Variants in TRPM3 observed in about 807,000 individuals in gnomAD.
TRPM3 encodes the protein transient receptor potential cation channel subfamily M member 3, also known as long transient receptor potential channel 3.
TRPM3 carries 77 observed loss-of-function variants against 181.2 expected under a neutral mutation model. The observed-to-expected ratio is 0.42, with a 90% CI of 0.35 to 0.51. The LOEUF (loss-of-function observed/expected upper bound fraction) is 0.51, where lower values mean the gene tolerates loss of function less well. TRPM3 is among the 20% of genes least tolerant of loss of function. The probability of loss-of-function intolerance (pLI) is 0.01; values close to 1 mark genes in which losing one functional copy is unlikely to be tolerated. For missense variants in TRPM3, 1,759 were observed against 2,196.7 expected (o/e 0.80, Z 3.98); for synonymous variants, 745 against 796.4 (o/e 0.94, Z 1.09).
At chr9:71,196,866 TTTTTA>T (rs71352355) in intron 1 of TRPM3, among the ~76,000 whole-genome samples, 6 of 151,074 alleles carry the variant, frequency 4.0e-5, no homozygotes, top group African/African-American at 1.2e-4. Context: ...TGGGCCTTTC[TTTTTA>T]TTTTATTATT....
At chr9:70,894,983 A>G (rs2132912895) in intron 1 of TRPM3, among the ~76,000 whole-genome samples, 1 of 152,272 alleles carries the variant, frequency 6.6e-6, no homozygotes, top group East Asian at 1.9e-4. Flanking sequence ...TGCTAGTGCC[A>G]TGGCTTGGGA....
intron 1 of TRPM3, among the ~76,000 whole-genome samples, chr9:71,202,128 T>C (rs2078838067): frequency 6.6e-6 from 1 of 152,188 alleles, no homozygotes; most frequent in Non-Finnish European, 1.5e-5. Context: ...TCAGCAGTGG[T>C]GGCTGCAGAA....
chr9:71,015,254 C>G (rs1353367301), intron 1 of TRPM3, among the ~76,000 whole-genome samples: 1 of 152,154 alleles, frequency 6.6e-6, no homozygotes, highest in African/African-American at 2.4e-5. Context: ...GCTCTCAGTT[C>G]GGTCGCTTTG....
At chr9:71,075,906 A>G (rs908902421) in intron 1 of TRPM3, among the ~76,000 whole-genome samples, 4 of 152,218 alleles carry the variant, frequency 2.6e-5, no homozygotes, top group African/African-American at 9.6e-5. Flanking sequence ...GTTCCTCTAC[A>G]TGAAACACAA....
At chr9:70,620,449 G>C (rs987173471) in intron 15 of TRPM3, 84 bp from the exon 16 acceptor site, 1 of 1,442,448 alleles carries the variant, frequency 6.9e-7, no homozygotes, top group Non-Finnish European at 9.5e-7. Flanking sequence ...TCTTCTCCCA[G>C]CTAGCTCTGG....
chr9:70,914,769 G>A (rs547950753), intron 1 of TRPM3, among the ~76,000 whole-genome samples: 1 of 152,256 alleles, frequency 6.6e-6, no homozygotes, highest in African/African-American at 2.4e-5. Flanking sequence ...GACACTGTTT[G>A]GGAAAAAGTA....
At chr9:71,271,934 T>C (rs150116228) in intron 1 of TRPM3, among the ~76,000 whole-genome samples, 243 of 152,352 alleles carry the variant, frequency 1.6e-3, no homozygotes, top group African/African-American at 5.5e-3. Flanking sequence ...GCCAAACTAG[T>C]GGCTCGTCTT....
intron 1 of TRPM3, among the ~76,000 whole-genome samples, chr9:71,388,946 G>A (rs1194174985): frequency 6.6e-6 from 1 of 151,994 alleles, no homozygotes; most frequent in Admixed American, 6.6e-5. Context: ...AAAAATTATA[G>A]CAAAACAACA....
chr9:70,608,327 A>AT (rs1309386549), intron 19 of TRPM3, among the ~76,000 whole-genome samples: 2 of 152,210 alleles, frequency 1.3e-5, no homozygotes, highest in African/African-American at 4.8e-5. Context: ...TGTTCCAATT[A>AT]TTTATGGACA....
intron 1 of TRPM3, among the ~76,000 whole-genome samples, chr9:70,873,209 T>C (rs1217987698): frequency 6.6e-6 from 1 of 152,036 alleles, no homozygotes; most frequent in African/African-American, 2.4e-5. Flanking sequence ...CTTGCTTTTA[T>C]TCCAATGCTT....
intron 1 of TRPM3, among the ~76,000 whole-genome samples, chr9:71,072,172 G>C (rs2062852740): frequency 6.6e-6 from 1 of 152,106 alleles, no homozygotes; most frequent in Non-Finnish European, 1.5e-5. Context: ...GTTTCCAGGA[G>C]TTTATGGAAC....
At chr9:70,771,404 T>C (rs968345200) in intron 7 of TRPM3, among the ~76,000 whole-genome samples, 1 of 152,152 alleles carries the variant, frequency 6.6e-6, no homozygotes, top group Non-Finnish European at 1.5e-5. Flanking sequence ...TTGTTTGTTA[T>C]TTTTTCTTCA....
At chr9:70,873,931 C>T (rs1353526591) in intron 1 of TRPM3, among the ~76,000 whole-genome samples, 2 of 151,848 alleles carry the variant, frequency 1.3e-5, no homozygotes, top group South Asian at 2.1e-4. Context: ...TTTCTCATCC[C>T]TATAATTCAC....
At chr9:70,913,387 A>G (rs1242050048) in intron 1 of TRPM3, among the ~76,000 whole-genome samples, 1 of 152,178 alleles carries the variant, frequency 6.6e-6, no homozygotes, top group Non-Finnish European at 1.5e-5. Flanking sequence ...TTTTCATTGC[A>G]TTGGCCAGGA....
chr9:70,937,074 C>A, intron 1 of TRPM3, among the ~76,000 whole-genome samples: 1 of 152,120 alleles, frequency 6.6e-6, no homozygotes, highest in East Asian at 1.9e-4. Flanking sequence ...AATAGTCTTA[C>A]AGAAATTAAT....
At chr9:71,022,319 T>G (rs180991711) in intron 1 of TRPM3, among the ~76,000 whole-genome samples, 1 of 152,174 alleles carries the variant, frequency 6.6e-6, no homozygotes, top group Non-Finnish European at 1.5e-5. Context: ...CATGAAATGA[T>G]GCTAGAGTAA....
At chr9:71,291,665 A>T (rs143188538) in intron 1 of TRPM3, among the ~76,000 whole-genome samples, 214 of 152,282 alleles carry the variant, frequency 1.4e-3, no homozygotes, top group African/African-American at 5.0e-3. Context: ...TTTCAAATGT[A>T]TATGACCCTA....
intron 1 of TRPM3, among the ~76,000 whole-genome samples, chr9:71,372,562 G>A (rs2092549547): frequency 1.3e-5 from 2 of 152,082 alleles, no homozygotes; most frequent in East Asian, 3.9e-4. Context: ...GGCATGAGAT[G>A]GTATCTCATT....
At chr9:70,993,789 AAAAAAAAAAAAAAAAAG>A (rs1032767474) in intron 1 of TRPM3, among the ~76,000 whole-genome samples, 3 of 137,558 alleles carry the variant, frequency 2.2e-5, no homozygotes, top group African/African-American at 5.5e-5. Context: ...CATCTCAAAA[AAAAAAAAAAAAAAAAAG>A]AAAGAAAGAA....
Sources: allele counts gnomAD v4.1 joint callset (sites outside exome capture counted in the v4.1 genomes callset), GRCh38; gene constraint gnomAD v4.1.1; transcripts MANE v1.5; gene names NCBI Gene and HGNC (gene_info 2026-07-23, HGNC 2026-07-21).